ACAP2: variants seen among roughly 807,000 people sequenced by gnomAD.
ACAP2 encodes ArfGAP with coiled-coil, ankyrin repeat and PH domains 2.
In ACAP2, 39 loss-of-function variants were observed where a neutral mutation model predicts 115.8. That is an observed-to-expected ratio of 0.34 (90% CI 0.26 to 0.44). The LOEUF (loss-of-function observed/expected upper bound fraction) is 0.44, where lower values mean the gene tolerates loss of function less well. Ranked by LOEUF, ACAP2 falls within the 20% of genes least tolerant of loss-of-function variation. The pLI is 1.00. For missense variants in ACAP2, 662 were observed against 927.6 expected (o/e 0.71, Z 3.72); for synonymous variants, 289 against 315.8 (o/e 0.92, Z 0.90).
intron 1 of ACAP2, among the ~76,000 whole-genome samples, chr3:195,411,529 T>C (rs182091529): frequency 1.3e-5 from 2 of 152,326 alleles, no homozygotes; most frequent in East Asian, 3.9e-4. Flanking sequence ...GTTATGTGTA[T>C]TTAAACACAA....
intron 8 of ACAP2, among the ~76,000 whole-genome samples, chr3:195,331,951 G>A (rs985060059): frequency 2.2e-4 from 33 of 151,726 alleles, no homozygotes; most frequent in Non-Finnish European, 3.7e-4. Context: ...TGGCTAACAC[G>A]GTGAAACCCC....
At chr3:195,413,931 T>A (rs919988839) in intron 1 of ACAP2, among the ~76,000 whole-genome samples, 1 of 150,574 alleles carries the variant, frequency 6.6e-6, no homozygotes, top group Non-Finnish European at 1.5e-5. Flanking sequence ...GCTATGACTG[T>A]ATCACTACGC....
intron 4 of ACAP2, among the ~76,000 whole-genome samples, chr3:195,377,138 CTTTT>C (rs749352761): frequency 3.5e-4 from 27 of 77,112 alleles, no homozygotes; most frequent in East Asian, 6.3e-4. Flanking sequence ...GAATGTAAAT[CTTTT>C]TTTTTTTTTT....
chr3:195,376,436 A>T (rs927962238), intron 4 of ACAP2, among the ~76,000 whole-genome samples: 1 of 151,982 alleles, frequency 6.6e-6, no homozygotes, highest in African/African-American at 2.4e-5. Context: ...TTTAAACATA[A>T]TACTCCTGAG....
At chr3:195,312,178 GT>G (rs1360561114) in intron 10 of ACAP2, among the ~76,000 whole-genome samples, 2 of 151,888 alleles carry the variant, frequency 1.3e-5, no homozygotes, top group Non-Finnish European at 2.9e-5. Flanking sequence ...CTGTAGAAAC[GT>G]TATCACTAGA....
At chr3:195,352,242 AC>A (rs1731660115) in intron 4 of ACAP2, among the ~76,000 whole-genome samples, 1 of 152,204 alleles carries the variant, frequency 6.6e-6, no homozygotes, top group Admixed American at 6.5e-5. Context: ...GCAATAGACT[AC>A]ACCACGTAGC....
intron 13 of ACAP2, among the ~76,000 whole-genome samples, chr3:195,302,582 T>C (rs1008088772): frequency 2.0e-5 from 3 of 151,654 alleles, no homozygotes; most frequent in Non-Finnish European, 4.4e-5. Context: ...AAGCTAGTCA[T>C]TGTTTTTTTT....
intron 4 of ACAP2, among the ~76,000 whole-genome samples, chr3:195,369,774 T>C (rs964495616): frequency 7.2e-5 from 11 of 152,152 alleles, no homozygotes; most frequent in African/African-American, 2.4e-4. Context: ...GTATATACCT[T>C]GTAATGGGAT....
intron 1 of ACAP2, among the ~76,000 whole-genome samples, chr3:195,409,430 GA>G (rs961361821): frequency 5.9e-4 from 87 of 147,556 alleles, no homozygotes; most frequent in African/African-American, 1.6e-3. Flanking sequence ...ATTCCTGGGG[GA>G]AAAAAAAAAG....
At chr3:195,351,710 G>A (rs527632075) in intron 4 of ACAP2, among the ~76,000 whole-genome samples, 4 of 152,094 alleles carry the variant, frequency 2.6e-5, no homozygotes, top group South Asian at 2.1e-4. Flanking sequence ...TGATCCGCCC[G>A]CATCGGCCTC....
chr3:195,363,620 CAT>C (rs1220527398), intron 4 of ACAP2, among the ~76,000 whole-genome samples: 1 of 133,816 alleles, frequency 7.5e-6, no homozygotes, highest in East Asian at 4.5e-4. Context: ...TATGAAACCA[CAT>C]ACACACACAC....
chr3:195,427,426 C>T (rs1171516385), intron 1 of ACAP2, among the ~76,000 whole-genome samples: 3 of 151,964 alleles, frequency 2.0e-5, no homozygotes, highest in East Asian at 1.9e-4. Flanking sequence ...GATACCTTCT[C>T]GGAGGTGCAC....
chr3:195,406,580 C>T lies in ACAP2; in HGVS notation c.54-14433G>A, dbSNP rs562588532. Among the ~76,000 whole-genome samples, 177 of 152,332 alleles carry T rather than the reference C, an allele frequency of 1.2e-3. 1 individual carries two copies. The highest frequency in any genetic ancestry group is 2.1e-3 in the Admixed American group (32 of 15,300). On this transcript the variant is annotated intron_variant, in intron 1 of 22. Coordinates refer to ENST00000326793, the MANE Select transcript of ACAP2 (RefSeq NM_012287.6). Reference sequence around the variant, plus strand: ...ATCCCGGCCTCAAGTGATCCTCCCACCCTGACCTCCCAAAGTGTTGAGTTT... The same window carrying T: ...ATCCCGGCCTCAAGTGATCCTCCCATCCTGACCTCCCAAAGTGTTGAGTTT...
At chr3:195,436,913 C>T (rs1223404021) in intron 1 of ACAP2, among the ~76,000 whole-genome samples, 1 of 152,096 alleles carries the variant, frequency 6.6e-6, no homozygotes, top group African/African-American at 2.4e-5. Flanking sequence ...TTACATGAAA[C>T]TTAAAATCAC....
At chr3:195,285,939 G>T (rs751336760) in intron 21 of ACAP2, 82 bp from the exon 22 acceptor site, 25 of 977,468 alleles carry the variant, frequency 2.6e-5, no homozygotes, top group Non-Finnish European at 3.7e-5. Flanking sequence ...GGTAATACAT[G>T]TACTAATGTA....
chr3:195,334,142 G>A (rs974613411), intron 7 of ACAP2, among the ~76,000 whole-genome samples: 16 of 151,410 alleles, frequency 1.1e-4, no homozygotes, highest in Admixed American at 9.2e-4. Flanking sequence ...TTCAACAAGT[G>A]GCATCTGTTC....
At chr3:195,351,680 G>A (rs975524944) in intron 4 of ACAP2, among the ~76,000 whole-genome samples, 3 of 149,724 alleles carry the variant, frequency 2.0e-5, no homozygotes, top group African/African-American at 7.4e-5. Context: ...TAGGCAGGAT[G>A]GTCTGGATCT....
At position 195,278,052 on chromosome 3, in the gene ACAP2, G is replaced by A. The variant is rs1180892407; in HGVS notation, c.*1276C>T. Reference sequence around the variant, plus strand: ...GCTGAGATCGTGCCACTGCACTCCAGCCTGGGTGACACAGCAAGACGCCAT... The same window carrying A: ...GCTGAGATCGTGCCACTGCACTCCAACCTGGGTGACACAGCAAGACGCCAT... On this transcript the variant is annotated 3_prime_UTR_variant, in exon 23 of 23. Coordinates refer to ENST00000326793, the MANE Select transcript of ACAP2 (RefSeq NM_012287.6). The A allele has an allele frequency of 6.7e-6, 1 of 148,598 alleles. No homozygotes were observed. Among genetic ancestry groups the A allele is most frequent in the Non-Finnish European group, 1.5e-5 (1 of 67,684 alleles). 9.2% of individuals were successfully genotyped at this position (148,598 alleles called of 1,614,324 possible). A position where few individuals can be genotyped will look rare whatever the true frequency, so the allele number is the denominator to read the frequency against.
intron 1 of ACAP2, among the ~76,000 whole-genome samples, chr3:195,435,699 A>C (rs1427254350): frequency 6.6e-6 from 1 of 152,066 alleles, no homozygotes; most frequent in Non-Finnish European, 1.5e-5. Context: ...TTATCCCCTT[A>C]TGGTCAGAAA....
Sources: gnomAD v4.1 joint callset for allele counts (sites outside exome capture counted in the v4.1 genomes callset) on GRCh38, gnomAD v4.1.1 for gene constraint, MANE v1.5 for transcripts, NCBI Gene and HGNC (gene_info 2026-07-23, HGNC 2026-07-21) for gene names.